LYN: variants seen among roughly 807,000 people sequenced by gnomAD.
The protein encoded by LYN is LYN proto-oncogene, Src family tyrosine kinase, also known as tyrosine-protein kinase Lyn.
LYN carries 12 observed loss-of-function variants against 65.0 expected under a neutral mutation model. The ratio of observed to expected loss-of-function variants is 0.18; its 90% CI spans 0.12 to 0.30. LYN has a LOEUF of 0.30. Ranked by LOEUF, LYN falls within the 10% of genes least tolerant of loss-of-function variation. The pLI, the probability that LYN is intolerant of heterozygous loss-of-function variation, is 1.00. For missense variants in LYN, 380 were observed against 623.2 expected, an observed-to-expected ratio of 0.61 and a Z score of 4.16; for synonymous variants, 222 against 221.2, an observed-to-expected ratio of 1.00 and a Z score of -0.03.
chr8:55,998,537 G>C (rs1808437227), intron 11 of LYN, 38 bp downstream of exon 11: 1 of 1,578,980 alleles, frequency 6.3e-7, no homozygotes, highest in Non-Finnish European at 8.7e-7. Context: ...TTTTATTATT[G>C]TGTTTTATTT....
chr8:55,972,282 C>CTTTG (rs1041732217), intron 10 of LYN, among the ~76,000 whole-genome samples: 1 of 152,222 alleles, frequency 6.6e-6, no homozygotes, highest in Non-Finnish European at 1.5e-5. Flanking sequence ...TTGAGTTCAT[C>CTTTG]TTTGCTCAAG....
chr8:55,956,987 A>G (rs1030724890), intron 8 of LYN, among the ~76,000 whole-genome samples: 2 of 152,232 alleles, frequency 1.3e-5, no homozygotes, highest in Non-Finnish European at 2.9e-5. Flanking sequence ...ACTGTGAATG[A>G]GAGGCATTAC....
intron 10 of LYN, among the ~76,000 whole-genome samples, chr8:55,990,420 G>A (rs1434312665): frequency 6.6e-6 from 1 of 152,028 alleles, no homozygotes; most frequent in Non-Finnish European, 1.5e-5. Context: ...AGATGTGAAT[G>A]TCTCTTATGG....
At chr8:55,900,164 G>A (rs377386682) in intron 1 of LYN, among the ~76,000 whole-genome samples, 225 of 152,170 alleles carry the variant, frequency 1.5e-3, no homozygotes, top group South Asian at 5.6e-3. Flanking sequence ...TGCCAACTTG[G>A]TGCAATTTTT....
In LYN at chr8:56,013,232, C is replaced by T. The variant is rs17813240; in HGVS notation, c.*3122C>T. ...GAAAGCATCATAAGTATAAACTCAT[C>T]TCCACGTCAGCTTGTGGAGTCTGCT... On this transcript the variant is annotated 3_prime_UTR_variant, in exon 13 of 13. Transcript: ENST00000519728. 0.15 allele frequency: 22,430 copies of T among 151,746 alleles called. 2,190 individuals are homozygous for T. The highest frequency in any genetic ancestry group is 0.24 in the Middle Eastern group (69 of 290). 9.4% of individuals were successfully genotyped at this position (151,746 alleles called of 1,614,324 possible).
intron 10 of LYN, among the ~76,000 whole-genome samples, chr8:55,986,945 A>G (rs893791158): frequency 6.6e-6 from 1 of 152,106 alleles, no homozygotes; most frequent in African/African-American, 2.4e-5. Context: ...GGGTGTTCTG[A>G]ACTCAAGTGA....
rs1000865536 is a variant in LYN, at chr8:55,901,259, C to T, written c.-6+21156C>T. On this transcript the variant is annotated intron_variant, in intron 1 of 12. Transcript: ENST00000519728. ...TTACAAAATGGGTAAGACTTCACCT[C>T]GTCCTTTAAAACAGGAAAATTGATA... Among the ~76,000 whole-genome samples, 5 of 152,166 alleles carry T rather than the reference C, an allele frequency of 3.3e-5. No individual in the cohort carries two copies. The South Asian group carries it at 6.2e-4, about 19-fold the overall frequency.
At position 55,889,686 on chromosome 8, in the gene LYN, C is replaced by T. The variant is rs1308769208; in HGVS notation, c.-6+9583C>T. 3.9e-5 allele frequency among the ~76,000 whole-genome samples: 6 copies of T among 152,150 alleles called. No homozygotes were observed. The South Asian group carries it at 6.2e-4, about 16-fold the overall frequency. On this transcript the variant is annotated intron_variant, in intron 1 of 12. Coordinates refer to ENST00000519728, the MANE Select transcript of LYN (RefSeq NM_002350.4). Reference sequence around the variant, plus strand: ...TAGGGTTGTGGGTGGGCGACTTGCTCAGGAGATCCCTGGCACCCAAATGAG... The same window carrying T: ...TAGGGTTGTGGGTGGGCGACTTGCTTAGGAGATCCCTGGCACCCAAATGAG...
At chr8:55,923,859 A>G (rs1014790643) in intron 1 of LYN, among the ~76,000 whole-genome samples, 4 of 151,868 alleles carry the variant, frequency 2.6e-5, no homozygotes, top group Non-Finnish European at 5.9e-5. Context: ...AACTTAATAA[A>G]TGTTTGTTAT....
chr8:55,997,237 A>G (rs1256476474), intron 10 of LYN, among the ~76,000 whole-genome samples: 1 of 151,844 alleles, frequency 6.6e-6, no homozygotes. Context: ...AGCCAGTTCC[A>G]TGGGCTGTTG....
At chr8:55,978,768 G>T (rs2130547128) in intron 10 of LYN, among the ~76,000 whole-genome samples, 2 of 152,284 alleles carry the variant, frequency 1.3e-5, no homozygotes, top group East Asian at 3.9e-4. Flanking sequence ...AACTGCCACG[G>T]GACTTTGCGA....
Position 56,010,672 on chromosome 8 carries a change from C to T in LYN, c.*562C>T, listed in dbSNP as rs1808789145. The T allele has an allele frequency of 1.3e-5, 3 of 232,598 alleles. No homozygotes were observed. Among genetic ancestry groups the T allele is most frequent in the South Asian group, 1.6e-4 (1 of 6,148 alleles). The allele number at this position is 232,598 out of a possible 1,614,324, so 14.4% of individuals were successfully genotyped here. On this transcript the variant is annotated 3_prime_UTR_variant, in exon 13 of 13. Transcript: ENST00000519728. Reference sequence around the variant, plus strand: ...ATTTCAATGATTTTTTTCCCCCTACCTCCCAAAATCTGAGACTGTTAAAAC... The same window carrying T: ...ATTTCAATGATTTTTTTCCCCCTACTTCCCAAAATCTGAGACTGTTAAAAC...
chr8:55,986,141 C>G (rs923557506), intron 10 of LYN, among the ~76,000 whole-genome samples: 1 of 151,678 alleles, frequency 6.6e-6, no homozygotes, highest in African/African-American at 2.4e-5. Context: ...TGCTCTCTGT[C>G]CTGGGCAACA....
At chr8:55,901,409 G>A (rs749116987) in intron 1 of LYN, among the ~76,000 whole-genome samples, 1 of 152,166 alleles carries the variant, frequency 6.6e-6, no homozygotes, top group Non-Finnish European at 1.5e-5. Context: ...TAATATGAAA[G>A]GAACTGTTTA....
intron 9 of LYN, among the ~76,000 whole-genome samples, chr8:55,967,306 A>ATTTTT (rs35631616): frequency 2.1e-5 from 2 of 95,130 alleles, no homozygotes; most frequent in African/African-American, 4.2e-5. Flanking sequence ...TTCCTCTTTC[A>ATTTTT]TTTTTTTTTT....
chr8:55,937,898 T>G (rs1470465809), intron 1 of LYN, among the ~76,000 whole-genome samples: 1 of 152,108 alleles, frequency 6.6e-6, no homozygotes, highest in Non-Finnish European at 1.5e-5. Context: ...AGTTTCATCA[T>G]GTTGGCCAGG....
At chr8:55,997,664 G>A (rs1176882344) in intron 10 of LYN, among the ~76,000 whole-genome samples, 1 of 152,114 alleles carries the variant, frequency 6.6e-6, no homozygotes, top group Non-Finnish European at 1.5e-5. Flanking sequence ...TAGGGGGCGG[G>A]GAATGGGACA....
chr8:55,999,642 A>G, intron 12 of LYN, 93 bp downstream of exon 12: 1 of 1,243,528 alleles, frequency 8.0e-7, no homozygotes, highest in South Asian at 1.2e-5. Flanking sequence ...TACTTCATCT[A>G]CCCGATAGCA....
chr8:55,919,022 CAAAAA>C (rs35663372), intron 1 of LYN, among the ~76,000 whole-genome samples: 40 of 62,746 alleles, frequency 6.4e-4, no homozygotes, highest in African/African-American at 1.9e-3. Context: ...CCTGTCTCTA[CAAAAA>C]AAAAAAAAAA....
Sources: allele counts gnomAD v4.1 joint callset (sites outside exome capture counted in the v4.1 genomes callset), GRCh38; gene constraint gnomAD v4.1.1; transcripts MANE v1.5; gene names NCBI Gene and HGNC (gene_info 2026-07-23, HGNC 2026-07-21).